RARB: variants seen among roughly 807,000 people sequenced by gnomAD.
The protein encoded by RARB is HBV-activated protein.
Under a neutral mutation model 51.9 loss-of-function variants are expected in RARB, and 17 were observed. The ratio of observed to expected loss-of-function variants is 0.33; its 90% CI spans 0.22 to 0.49. The LOEUF (loss-of-function observed/expected upper bound fraction) is 0.49, where lower values mean the gene tolerates loss of function less well. RARB is among the 20% of genes least tolerant of loss of function. The probability of loss-of-function intolerance (pLI) is 0.99; values close to 1 mark genes in which losing one functional copy is unlikely to be tolerated. For synonymous variants in RARB, 215 were observed against 195.4 expected (o/e 1.10, Z -0.84); for missense variants, 369 against 550.8 (o/e 0.67, Z 3.30).
intron 2 of RARB, among the ~76,000 whole-genome samples, chr3:25,018,913 T>G (rs1697570893): frequency 6.6e-6 from 1 of 152,168 alleles, no homozygotes; most frequent in African/African-American, 2.4e-5. Flanking sequence ...CAGTCATTTT[T>G]CCCCTTCCCA....
chr3:25,005,083 G>A (rs1402904559), intron 2 of RARB, among the ~76,000 whole-genome samples: 1 of 152,046 alleles, frequency 6.6e-6, no homozygotes, highest in East Asian at 1.9e-4. Context: ...GGTTTGAGTG[G>A]TTAGATACCA....
At chr3:25,372,877 G>A (rs1706343903) in intron 5 of RARB, among the ~76,000 whole-genome samples, 1 of 152,150 alleles carries the variant, frequency 6.6e-6, no homozygotes, top group African/African-American at 2.4e-5. Flanking sequence ...TTTAAAGAGT[G>A]AAATGGATAG....
At chr3:25,106,977 T>C (rs1184104011) in intron 3 of RARB, among the ~76,000 whole-genome samples, 3 of 152,008 alleles carry the variant, frequency 2.0e-5, no homozygotes, top group Non-Finnish European at 4.4e-5. Context: ...CTCAGCTCAC[T>C]GCAACCTCCG....
chr3:25,591,542 T>G (rs1701614466), intron 5 of RARB, among the ~76,000 whole-genome samples: 1 of 152,212 alleles, frequency 6.6e-6, no homozygotes, highest in South Asian at 2.1e-4. Flanking sequence ...TGAAATCAAA[T>G]CATTCTACTA....
chr3:25,137,559 T>C (rs1700049725), intron 4 of RARB, among the ~76,000 whole-genome samples: 1 of 152,126 alleles, frequency 6.6e-6, no homozygotes, highest in African/African-American at 2.4e-5. Flanking sequence ...AATTTTCTTA[T>C]TTTCCACATA....
At chr3:25,030,998 C>G (rs1697862310) in intron 2 of RARB, among the ~76,000 whole-genome samples, 1 of 152,116 alleles carries the variant, frequency 6.6e-6, no homozygotes, top group Non-Finnish European at 1.5e-5. Context: ...GGAATGTAAC[C>G]CTTTGCTTTC....
chr3:25,300,254 C>CAT lies in RARB; in HGVS notation c.178+125681_178+125682dup, dbSNP rs1359456506. On this transcript the variant is annotated intron_variant, in intron 5 of 11. Coordinates refer to the RARB transcript ENST00000383772. ...CATTATAATTTGTTCAGCACTGATG[C>CAT]ATAACTCCTCAATGTGGAAAAATGA... is the stretch of plus-strand genomic sequence containing the variant. Among the ~76,000 whole-genome samples, 5 of 152,312 alleles carry CAT rather than the reference C, an allele frequency of 3.3e-5. No homozygotes were observed. The East Asian group carries it at 9.6e-4, about 29-fold the overall frequency.
At chr3:24,856,986 C>A (rs182795226) in intron 1 of RARB, among the ~76,000 whole-genome samples, 167 of 152,266 alleles carry the variant, frequency 1.1e-3, no homozygotes, top group Non-Finnish European at 2.2e-3. Context: ...AAAATGCCTT[C>A]TCATTATTGA....
rs548637309 is a variant in RARB, at chr3:25,240,509, A to G, written c.178+65934A>G. On this transcript the variant is annotated intron_variant, in intron 5 of 11. Transcript: ENST00000383772. Reference sequence around the variant, plus strand: ...TATATTTTGTGGTATGTTTCCTTCTATGCCTAGTTTGTTGATAGTTTTTTA... The same window carrying G: ...TATATTTTGTGGTATGTTTCCTTCTGTGCCTAGTTTGTTGATAGTTTTTTA... 3.3e-5 allele frequency among the ~76,000 whole-genome samples: 5 copies of G among 152,130 alleles called. No homozygotes were observed. In the East Asian group the frequency reaches 9.7e-4, roughly 29 times the overall value.
chr3:25,124,545 T>G (rs1699833014), intron 3 of RARB, among the ~76,000 whole-genome samples: 1 of 152,212 alleles, frequency 6.6e-6, no homozygotes, highest in African/African-American at 2.4e-5. Context: ...TTTCTGGGCC[T>G]AATAGATCGG....
chr3:25,448,954 T>A (rs1709069027), intron 1 of RARB, among the ~76,000 whole-genome samples: 1 of 151,918 alleles, frequency 6.6e-6, no homozygotes, highest in South Asian at 2.1e-4. Flanking sequence ...GGCGTGCTAG[T>A]TCTGTAGACA....
chr3:25,330,189 G>C (rs751767970), intron 5 of RARB, among the ~76,000 whole-genome samples: 1 of 152,000 alleles, frequency 6.6e-6, no homozygotes, highest in Non-Finnish European at 1.5e-5. Context: ...TCCCCGAGAA[G>C]AGCAACCCCA....
intron 2 of RARB, among the ~76,000 whole-genome samples, chr3:25,045,950 A>G (rs1258091258): frequency 6.6e-6 from 1 of 152,260 alleles, no homozygotes; most frequent in Non-Finnish European, 1.5e-5. Context: ...ATCAGATTTA[A>G]TATTCATTAG....
intron 4 of RARB, among the ~76,000 whole-genome samples, chr3:25,149,693 A>ACCT (rs1257161645): frequency 6.6e-6 from 1 of 152,192 alleles, no homozygotes; most frequent in African/African-American, 2.4e-5. Context: ...TGCATGAATT[A>ACCT]GATGCATGTA....
chr3:25,257,816 T>A (rs1171504430), intron 5 of RARB, among the ~76,000 whole-genome samples: 1 of 152,074 alleles, frequency 6.6e-6, no homozygotes, highest in Non-Finnish European at 1.5e-5. Context: ...TAAGCCCTCT[T>A]TGTTACCTAG....
intron 5 of RARB, among the ~76,000 whole-genome samples, chr3:25,192,286 T>C (rs866900245): frequency 6.6e-6 from 1 of 152,138 alleles, no homozygotes; most frequent in South Asian, 2.1e-4. Flanking sequence ...TCTTCAGATA[T>C]CCTGCTACAG....
At chr3:25,410,120 G>T (rs1377059097) in intron 5 of RARB, among the ~76,000 whole-genome samples, 1 of 152,182 alleles carries the variant, frequency 6.6e-6, no homozygotes, top group African/African-American at 2.4e-5. Context: ...TGGCCAAACA[G>T]ATTCCCTAAG....
intron 2 of RARB, among the ~76,000 whole-genome samples, chr3:25,017,956 G>C (rs7638674): frequency 6.6e-6 from 1 of 152,124 alleles, no homozygotes; most frequent in Non-Finnish European, 1.5e-5. Context: ...ATGTGCAATG[G>C]AAAAGGCTGT....
chr3:25,106,904 T>TG (rs1337023366), intron 3 of RARB, among the ~76,000 whole-genome samples: 3 of 151,696 alleles, frequency 2.0e-5, no homozygotes, highest in Non-Finnish European at 4.4e-5. Flanking sequence ...TTCTGCATTT[T>TG]TTTTTGTTGT....
Sources: allele counts gnomAD v4.1 joint callset (sites outside exome capture counted in the v4.1 genomes callset), GRCh38; gene constraint gnomAD v4.1.1; transcripts MANE v1.5; gene names NCBI Gene and HGNC (gene_info 2026-07-23, HGNC 2026-07-21).